The following MALRD1 variants were observed in gnomAD, a reference collection of about 807,000 sequenced individuals.
MALRD1 encodes MAM and LDL-receptor class A domain-containing protein 1.
In MALRD1, 247 loss-of-function variants were observed where a neutral mutation model predicts 242.1. The observed-to-expected ratio is 1.02, with a 90% CI of 0.92 to 1.13. MALRD1 has a LOEUF of 1.13. Among genes scored for constraint, MALRD1 ranks in the 50% most tolerant of loss-of-function variants. MALRD1 has a pLI of 0.00. For missense variants in MALRD1, 2,989 were observed against 2,533.1 expected (o/e 1.18, Z -3.86); for synonymous variants, 995 against 866.6 (o/e 1.15, Z -2.60).
chr10:19,550,410 G>T (rs868034272), intron 32 of MALRD1, among the ~76,000 whole-genome samples: 1 of 152,010 alleles, frequency 6.6e-6, no homozygotes, highest in Admixed American at 6.6e-5. Flanking sequence ...ATGTGTCTTG[G>T]TTTTTTCTTT....
intron 19 of MALRD1, among the ~76,000 whole-genome samples, chr10:19,272,245 G>A (rs1840284048): frequency 6.6e-6 from 1 of 151,966 alleles, no homozygotes; most frequent in South Asian, 2.1e-4. Flanking sequence ...TAGAAGTAGT[G>A]ATTGATAAAT....
intron 18 of MALRD1, among the ~76,000 whole-genome samples, chr10:19,257,289 T>C (rs528158287): frequency 1.3e-5 from 2 of 152,084 alleles, no homozygotes; most frequent in African/African-American, 2.4e-5. Flanking sequence ...GAGGTTTAAT[T>C]TGGGAAACAG....
intron 28 of MALRD1, among the ~76,000 whole-genome samples, chr10:19,438,982 A>G (rs892665970): frequency 6.6e-6 from 1 of 152,136 alleles, no homozygotes; most frequent in African/African-American, 2.4e-5. Context: ...GCTGTTTACT[A>G]TCATAGTTAT....
chr10:19,121,260 C>T (rs1471860364), intron 5 of MALRD1, among the ~76,000 whole-genome samples: 4 of 151,094 alleles, frequency 2.6e-5, no homozygotes, highest in African/African-American at 4.9e-5. Context: ...AGGCTGGTCT[C>T]GAACTCCTGA....
Position 19,257,786 on chromosome 10 carries a change from T to A in MALRD1, c.3079+15T>A. 1 of 1,450,680 alleles carries A rather than the reference T, an allele frequency of 6.9e-7. No individual in the cohort carries two copies. The highest frequency in any genetic ancestry group is 1.4e-5 in the African/African-American group (1 of 70,268). The allele number at this position is 1,450,680 out of a possible 1,614,324, so 89.9% of individuals were successfully genotyped here. On this transcript the variant is annotated intron_variant, in intron 19 of 39. Coordinates refer to ENST00000454679, the MANE Select transcript of MALRD1 (RefSeq NM_001142308.3). ...CCTCTACCCTGGTAAGAGAGAACAT[T>A]TCAATTTGGGGTTATTTCTAAATCT... is the stretch of plus-strand genomic sequence containing the variant.
chr10:19,068,099 A>G (rs1835034928), intron 2 of MALRD1, among the ~76,000 whole-genome samples: 1 of 152,122 alleles, frequency 6.6e-6, no homozygotes, highest in South Asian at 2.1e-4. Flanking sequence ...GCAGTCTTAC[A>G]GATTGCTGAT....
chr10:19,315,223 TAAATATAA>T (rs1842614241), intron 21 of MALRD1, among the ~76,000 whole-genome samples: 2 of 111,738 alleles, frequency 1.8e-5, no homozygotes, highest in South Asian at 5.6e-4. Flanking sequence ...TATAAATATA[TAAATATAA>T]TTTATAGAAA....
intron 5 of MALRD1, among the ~76,000 whole-genome samples, chr10:19,113,368 T>G (rs1426069651): frequency 1.3e-5 from 2 of 152,190 alleles, no homozygotes; most frequent in Admixed American, 1.3e-4. Flanking sequence ...AGCAACGCAG[T>G]GTCCTCTAAT....
intron 28 of MALRD1, among the ~76,000 whole-genome samples, chr10:19,434,949 A>G (rs118167807): frequency 0.012 from 1,834 of 151,810 alleles, 27 homozygotes; most frequent in Non-Finnish European, 0.013. Context: ...TATTGGACAT[A>G]CCAGACACAA....
At chr10:19,336,778 A>G (rs1843632685) in intron 24 of MALRD1, among the ~76,000 whole-genome samples, 1 of 152,182 alleles carries the variant, frequency 6.6e-6, no homozygotes, top group South Asian at 2.1e-4. Context: ...ATTAGAAACC[A>G]ATTAGGTAAT....
chr10:19,586,504 C>T (rs1340889018), intron 33 of MALRD1, among the ~76,000 whole-genome samples: 2 of 152,146 alleles, frequency 1.3e-5, no homozygotes, highest in African/African-American at 4.8e-5. Flanking sequence ...GTCAATCTGC[C>T]CTTGCTGGTG....
chr10:19,348,187 G>A (rs1057018200), intron 25 of MALRD1, among the ~76,000 whole-genome samples, 169 bp downstream of exon 25: 9 of 152,090 alleles, frequency 5.9e-5, no homozygotes, highest in African/African-American at 1.9e-4. Context: ...AGAATGAAGG[G>A]GAAGGATTGC....
intron 18 of MALRD1, among the ~76,000 whole-genome samples, chr10:19,255,067 C>A (rs1839446696): frequency 6.6e-6 from 1 of 151,968 alleles, no homozygotes; most frequent in Admixed American, 6.6e-5. Flanking sequence ...GTTACCAAGG[C>A]CAGTCTGTCT....
intron 21 of MALRD1, among the ~76,000 whole-genome samples, chr10:19,306,835 T>C (rs1404044852): frequency 1.3e-5 from 2 of 151,350 alleles, no homozygotes; most frequent in Admixed American, 6.6e-5. Context: ...ATGCCCCTTA[T>C]AAAGCCACTG....
chr10:19,515,103 T>G (rs1164954086), intron 31 of MALRD1, among the ~76,000 whole-genome samples: 2 of 152,122 alleles, frequency 1.3e-5, no homozygotes, highest in Non-Finnish European at 2.9e-5. Context: ...TCTTTTTTAC[T>G]TAACAAACAA....
intron 17 of MALRD1, among the ~76,000 whole-genome samples, chr10:19,207,074 G>A (rs1192029095): frequency 7.2e-5 from 11 of 151,998 alleles, no homozygotes; most frequent in Admixed American, 2.6e-4. Flanking sequence ...ATTTATTCTC[G>A]CCTGGCTGCA....
intron 31 of MALRD1, among the ~76,000 whole-genome samples, chr10:19,525,185 G>A (rs978655303): frequency 2.0e-5 from 3 of 151,416 alleles, no homozygotes; most frequent in African/African-American, 7.3e-5. Flanking sequence ...AAAGTGCTGA[G>A]ATTACAGGCG....
chr10:19,571,194 G>A (rs757491306), intron 33 of MALRD1, among the ~76,000 whole-genome samples: 6 of 152,118 alleles, frequency 3.9e-5, no homozygotes, highest in Non-Finnish European at 8.8e-5. Context: ...TAAACATTAT[G>A]AGTGAGCTGT....
chr10:19,584,395 A>T (rs1726214797), intron 33 of MALRD1, among the ~76,000 whole-genome samples: 1 of 151,926 alleles, frequency 6.6e-6, no homozygotes, highest in South Asian at 2.1e-4. Flanking sequence ...CACTGCTTTG[A>T]ATGCGTCCCA....
Sources: allele counts gnomAD v4.1 joint callset (sites outside exome capture counted in the v4.1 genomes callset), GRCh38; gene constraint gnomAD v4.1.1; transcripts MANE v1.5; gene names NCBI Gene and HGNC (gene_info 2026-07-23, HGNC 2026-07-21).